Variants in FRMD6 observed in about 807,000 individuals in gnomAD.
FRMD6 encodes FERM domain containing 6.
Under a neutral mutation model 73.2 loss-of-function variants are expected in FRMD6, and 37 were observed. That is an observed-to-expected ratio of 0.51 (90% CI 0.39 to 0.66). The LOEUF is 0.66. FRMD6 is among the 30% of genes least tolerant of loss of function. FRMD6 has a pLI of 0.00. For synonymous variants in FRMD6, 273 were observed against 282.2 expected (o/e 0.97, Z 0.33); for missense variants, 714 against 780.5 (o/e 0.91, Z 1.02).
At chr14:51,710,773 T>G (rs1309947887) in intron 7 of FRMD6, among the ~76,000 whole-genome samples, 9 of 152,184 alleles carry the variant, frequency 5.9e-5, no homozygotes, top group Non-Finnish European at 1.0e-4. Context: ...TTGAACTTTA[T>G]ACACTATATA....
At chr14:51,707,051 T>G (rs994314976) in intron 6 of FRMD6, among the ~76,000 whole-genome samples, 1 of 152,112 alleles carries the variant, frequency 6.6e-6, no homozygotes, top group African/African-American at 2.4e-5. Flanking sequence ...TCCCCCACCC[T>G]TGGGATCACC....
upstream of FRMD6, among the ~76,000 whole-genome samples, chr14:51,648,271 T>C (rs917229546): frequency 1.3e-5 from 2 of 152,258 alleles, no homozygotes; most frequent in Non-Finnish European, 2.9e-5. Context: ...TCTATATTAC[T>C]GTGTTCTTTA....
At chr14:51,452,351 T>G in the FRMD6 span, among the ~76,000 whole-genome samples, 56 of 152,272 alleles carry the variant, frequency 3.7e-4, no homozygotes, top group African/African-American at 1.3e-3. Flanking sequence ...GTTTTAAGAT[T>G]GAGAGTCCCA....
the FRMD6 span, among the ~76,000 whole-genome samples, chr14:51,412,543 A>AT: frequency 1.3e-5 from 2 of 152,110 alleles, no homozygotes; most frequent in African/African-American, 4.8e-5. Flanking sequence ...GTGAATCTGC[A>AT]TTTTTTTACA....
the FRMD6 span, among the ~76,000 whole-genome samples, chr14:51,453,804 G>T: frequency 6.6e-6 from 1 of 152,162 alleles, no homozygotes; most frequent in African/African-American, 2.4e-5. Context: ...AGTTAGGCTT[G>T]TTTTTAGACA....
At chr14:51,515,748 C>T (rs1312984024) in intron 1 of FRMD6, among the ~76,000 whole-genome samples, 2 of 152,098 alleles carry the variant, frequency 1.3e-5, no homozygotes, top group Admixed American at 1.3e-4. Flanking sequence ...CCAAGGAGAC[C>T]CATCCGTTGG....
At chr14:51,506,351 G>A (rs1303465598) in intron 1 of FRMD6, among the ~76,000 whole-genome samples, 5 of 152,298 alleles carry the variant, frequency 3.3e-5, no homozygotes, top group South Asian at 2.1e-4. Context: ...TGTTTGGCAA[G>A]TGTCTGCACA....
At chr14:51,655,046 TAA>T (rs111661238) in intron 1 of FRMD6, among the ~76,000 whole-genome samples, 219 of 131,650 alleles carry the variant, frequency 1.7e-3, no homozygotes, top group Non-Finnish European at 1.6e-3. Flanking sequence ...TCTTTTAAAG[TAA>T]AAAAAAAAAA....
chr14:51,722,917 T>C (rs1168136428), intron 12 of FRMD6, among the ~76,000 whole-genome samples: 1 of 152,218 alleles, frequency 6.6e-6, no homozygotes, highest in African/African-American at 2.4e-5. Flanking sequence ...CTCCTCCAGG[T>C]GCCAGGCACT....
rs1014384372 is a variant in FRMD6, at chr14:51,558,362, G to A, written c.-209-11986G>A. Among the ~76,000 whole-genome samples the A allele has an allele frequency of 2.0e-5, 3 of 152,008 alleles. No homozygotes were observed. In the East Asian group the frequency reaches 5.8e-4, roughly 29 times the overall value. ...GCAAGCCTGTAATCCTAGCTACTCA[G>A]GAGGCTGAGGCAGGAGAATCACTTG... On this transcript the variant is annotated intron_variant, in intron 1 of 14. Coordinates refer to the FRMD6 transcript ENST00000356218.
intron 9 of FRMD6, among the ~76,000 whole-genome samples, chr14:51,712,838 A>G (rs1897019882): frequency 6.6e-6 from 1 of 152,238 alleles, no homozygotes; most frequent in South Asian, 2.1e-4. Context: ...TCCGTAGCAC[A>G]TGACCCTAAG....
upstream of FRMD6, among the ~76,000 whole-genome samples, chr14:51,647,363 A>C (rs1276300179): frequency 6.6e-6 from 1 of 152,210 alleles, no homozygotes; most frequent in Non-Finnish European, 1.5e-5. Context: ...CAGCTGGGTT[A>C]AATGAATGAT....
chr14:51,497,284 T>C (rs1566777315), intron 1 of FRMD6, among the ~76,000 whole-genome samples: 3 of 151,530 alleles, frequency 2.0e-5, no homozygotes. Flanking sequence ...GCCAAGTATC[T>C]CTCTCAGCCT....
the FRMD6 span, among the ~76,000 whole-genome samples, chr14:51,471,200 G>A: frequency 3.3e-5 from 5 of 152,002 alleles, no homozygotes; most frequent in African/African-American, 1.2e-4. Context: ...TAATATTTAT[G>A]TCTTCCTGGC....
chr14:51,588,089 C>T (rs535682188), intron 2 of FRMD6, among the ~76,000 whole-genome samples: 2 of 151,922 alleles, frequency 1.3e-5, no homozygotes, highest in East Asian at 1.9e-4. Flanking sequence ...TAATTTTTTT[C>T]ACTGTTGAAA....
At chr14:51,536,229 G>A (rs117536810) in intron 1 of FRMD6, among the ~76,000 whole-genome samples, 1 of 150,714 alleles carries the variant, frequency 6.6e-6, no homozygotes, top group Non-Finnish European at 1.5e-5. Flanking sequence ...GAGTAGCTGG[G>A]ACTACATGCC....
the FRMD6 span, among the ~76,000 whole-genome samples, chr14:51,419,172 T>C: frequency 2.0e-5 from 3 of 152,160 alleles, no homozygotes; most frequent in Non-Finnish European, 4.4e-5. Flanking sequence ...CAGATCACCC[T>C]CTGTGGGCTG....
At chr14:51,673,758 G>T (rs963075103) in intron 1 of FRMD6, among the ~76,000 whole-genome samples, 1 of 152,210 alleles carries the variant, frequency 6.6e-6, no homozygotes, top group Non-Finnish European at 1.5e-5. Context: ...ATAATTATGT[G>T]TGGAATATGA....
the FRMD6 span, among the ~76,000 whole-genome samples, chr14:51,467,155 G>T: frequency 2.0e-5 from 3 of 152,108 alleles, no homozygotes; most frequent in Non-Finnish European, 4.4e-5. Flanking sequence ...TGAGATTAGG[G>T]AGTGGCGATG....
Sources: gnomAD v4.1 joint callset for allele counts (sites outside exome capture counted in the v4.1 genomes callset) on GRCh38, gnomAD v4.1.1 for gene constraint, MANE v1.5 for transcripts, NCBI Gene and HGNC (gene_info 2026-07-23, HGNC 2026-07-21) for gene names.